Variants in PCDHGB7 observed in about 807,000 individuals in gnomAD.
The protein encoded by PCDHGB7 is protocadherin gamma-B7.
Under a neutral mutation model 61.4 loss-of-function variants are expected in PCDHGB7, and 37 were observed. The ratio of observed to expected loss-of-function variants is 0.60; its 90% CI spans 0.46 to 0.79. PCDHGB7 has a LOEUF of 0.79. PCDHGB7 is among the 30% of genes least tolerant of loss of function. The probability of loss-of-function intolerance (pLI) is 0.00; values close to 1 mark genes in which losing one functional copy is unlikely to be tolerated. For synonymous variants in PCDHGB7, 464 were observed against 503.5 expected, an observed-to-expected ratio of 0.92 and a Z score of 1.05; for missense variants, 1,166 against 1,202.5, an observed-to-expected ratio of 0.97 and a Z score of 0.45.
chr5:141,473,665 T>C (rs1054239218), intron 1 of PCDHGB7, among the ~76,000 whole-genome samples: 1 of 152,142 alleles, frequency 6.6e-6, no homozygotes, highest in Non-Finnish European at 1.5e-5. Context: ...GTGAAGGCCC[T>C]GAGACAGGGA....
chr5:141,468,598 G>A (rs1250884127), intron 1 of PCDHGB7: 1 of 152,228 alleles, frequency 6.6e-6, no homozygotes, highest in African/African-American at 2.4e-5. Context: ...TGGGCGCGGT[G>A]GCTCACGCCT....
Position 141,477,020 on chromosome 5 carries a change from G to C in PCDHGB7, c.2416-17787G>C, listed in dbSNP as rs1383192345. The C allele has an allele frequency of 6.2e-7, 1 of 1,614,224 alleles. No homozygotes were observed. The highest frequency in any genetic ancestry group is 8.5e-7 in the Non-Finnish European group (1 of 1,180,048). On this transcript the variant is annotated intron_variant, in intron 1 of 3. Coordinates refer to ENST00000398594, the MANE Select transcript of PCDHGB7 (RefSeq NM_018927.4). The surrounding 1 kb of genome is among the most constrained non-coding windows in gnomAD (Gnocchi z 4.9). ...ACTATTCGCCTTAGACCTTGTAACC[G>C]GGATGCTGACAATCAAGGGTCGGCT...
Position 141,431,535 on chromosome 5 carries a change from C to T in PCDHGB7, c.2415+11261C>T. On this transcript the variant is annotated intron_variant, in intron 1 of 3. Coordinates refer to ENST00000398594, the MANE Select transcript of PCDHGB7 (RefSeq NM_018927.4). This position sits in a 1 kb window ranked among gnomAD's most constrained non-coding sequence, Gnocchi z 4.8. ...GTTCCGGAGAATCTGGCCTTGGGCA[C>T]GCAGCTGCTTGTAGTCAACGCTACC... is the stretch of plus-strand genomic sequence containing the variant. 3 of 1,614,076 alleles carry T rather than the reference C, an allele frequency of 1.9e-6. No individual in the cohort carries two copies. Among genetic ancestry groups the T allele is most frequent in the Non-Finnish European group, 2.5e-6 (3 of 1,180,038 alleles).
intron 1 of PCDHGB7, among the ~76,000 whole-genome samples, chr5:141,449,868 T>C (rs902371897): frequency 1.3e-5 from 2 of 151,910 alleles, no homozygotes; most frequent in African/African-American, 4.8e-5. Flanking sequence ...AATCAGAAAA[T>C]TTAACATCAA....
intron 1 of PCDHGB7, among the ~76,000 whole-genome samples, chr5:141,470,055 G>A (rs1432696943): frequency 1.3e-5 from 2 of 152,192 alleles, no homozygotes; most frequent in Non-Finnish European, 1.5e-5. Context: ...TTTGAACCCC[G>A]GAGGCAGAGA....
intron 1 of PCDHGB7, chr5:141,422,699 C>T: frequency 6.2e-7 from 1 of 1,603,420 alleles, no homozygotes; most frequent in Middle Eastern, 1.7e-4. Flanking sequence ...GTCACTTACT[C>T]TCTGACGGAT....
chr5:141,485,226 T>C lies in PCDHGB7; in HGVS notation c.2416-9581T>C. ...GAAATCTGGCGGTGGGCTACCCTTT[T>C]GTTCCTCTTTTACCACCTGGGTTAC... On this transcript the variant is annotated intron_variant, in intron 1 of 3. Transcript: ENST00000398594. The surrounding 1 kb of genome is among the most constrained non-coding windows in gnomAD (Gnocchi z 5.7). 1.9e-6 allele frequency: 3 copies of C among 1,614,170 alleles called. No homozygotes were observed. Among genetic ancestry groups the C allele is most frequent in the Non-Finnish European group, 2.5e-6 (3 of 1,180,026 alleles).
At chr5:141,433,349 T>C in intron 1 of PCDHGB7, 1 of 616,610 alleles carries the variant, frequency 1.6e-6, no homozygotes, top group East Asian at 2.8e-5. Flanking sequence ...GCAAGCCACC[T>C]ACTGTCTGCC....
In PCDHGB7 at chr5:141,419,333, A is replaced by G; in HGVS notation, c.1474A>G (p.Ile492Val). The change falls in exon 1 of 4, where the codon ATT (isoleucine) becomes GTT (valine). Residue 492 changes from isoleucine to valine, a missense_variant. Coordinates refer to ENST00000398594, the MANE Select transcript of PCDHGB7 (RefSeq NM_018927.4). The stretch of plus-strand genomic sequence containing the variant: ...CAACGGCCGTGTCTCCTACTCTCTC[A>G]TTGCCAGCGACCTGGAGTCACGAAC... The part of the protein sequence containing the change: ...GLNGRVSYSL[I>V]ASDLESRTLS... 2 of 1,613,804 alleles carry G rather than the reference A, an allele frequency of 1.2e-6. No homozygotes were observed. The highest frequency in any genetic ancestry group is 1.1e-5 in the South Asian group (1 of 91,078).
chr5:141,478,718 C>T, intron 1 of PCDHGB7: 1 of 1,544,994 alleles, frequency 6.5e-7, no homozygotes, highest in East Asian at 2.4e-5. Context: ...AGATGGTGGC[C>T]TGCCAGAGTG....
chr5:141,497,210 G>T (rs988856908), intron 2 of PCDHGB7, among the ~76,000 whole-genome samples: 1 of 28,140 alleles, frequency 3.6e-5, no homozygotes, highest in African/African-American at 1.1e-3. Context: ...TGAGTGTAAT[G>T]GGGGGGGGAA....
chr5:141,496,737 C>T (rs900394639), intron 2 of PCDHGB7, among the ~76,000 whole-genome samples: 9 of 152,168 alleles, frequency 5.9e-5, no homozygotes, highest in African/African-American at 2.2e-4. Context: ...TTCATTCGTT[C>T]ATTTATTCAA....
intron 1 of PCDHGB7, chr5:141,421,835 G>A (rs755889809): frequency 5.6e-6 from 9 of 1,613,746 alleles, no homozygotes; most frequent in Non-Finnish European, 6.8e-6. Context: ...AGCCTGGACC[G>A]AGAGAAAGAG....
intron 1 of PCDHGB7, among the ~76,000 whole-genome samples, chr5:141,445,834 T>G (rs1310067225): frequency 6.6e-6 from 1 of 152,218 alleles, no homozygotes; most frequent in Middle Eastern, 3.2e-3. Context: ...GGGAGAGCCT[T>G]GTAAATCACA....
In PCDHGB7 at chr5:141,485,872, G is replaced by A; in HGVS notation, c.2416-8935G>A. ...CCGCAGAGCTCCGGGTATCCGTGCT[G>A]GACGTAAACGACAACGCCCCAGCCT... On this transcript the variant is annotated intron_variant, in intron 1 of 3. Transcript: ENST00000398594. The surrounding 1 kb of genome is among the most constrained non-coding windows in gnomAD (Gnocchi z 5.7). 1 of 1,614,170 alleles carries A rather than the reference G, an allele frequency of 6.2e-7. No homozygotes were observed. The highest frequency in any genetic ancestry group is 2.2e-5 in the East Asian group (1 of 44,876).
chr5:141,478,204 T>C (rs775367944), intron 1 of PCDHGB7: 7 of 1,613,950 alleles, frequency 4.3e-6, no homozygotes, highest in Middle Eastern at 1.6e-4. Context: ...ATCTACTTCT[T>C]TCTCTAATCC....
At position 141,493,061 on chromosome 5, in the gene PCDHGB7, C is replaced by G. The variant is rs1386090478; in HGVS notation, c.2416-1746C>G. On this transcript the variant is annotated intron_variant, in intron 1 of 3. Transcript: ENST00000398594. The surrounding 1 kb of genome is among the most constrained non-coding windows in gnomAD (Gnocchi z 4.3). The stretch of plus-strand genomic sequence containing the variant: ...GAGGAAACTACAATAGTAAAAAACA[C>G]AAGTTTCTCCAACTCCAGGAGCTTT... Among the ~76,000 whole-genome samples the G allele has an allele frequency of 6.6e-6, 1 of 152,228 alleles. No individual in the cohort carries two copies. Among genetic ancestry groups the G allele is most frequent in the African/African-American group, 2.4e-5 (1 of 41,446 alleles).
Position 141,486,676 on chromosome 5 carries a change from T to A in PCDHGB7, c.2416-8131T>A, listed in dbSNP as rs375080564. On this transcript the variant is annotated intron_variant, in intron 1 of 3. Coordinates refer to ENST00000398594, the MANE Select transcript of PCDHGB7 (RefSeq NM_018927.4). This position sits in a 1 kb window ranked among gnomAD's most constrained non-coding sequence, Gnocchi z 5.0. ...CACTCCTGGAGCCCAGGAATCGAGA[T>A]GTATCAGCTTCCTCTTTCATCTCTC... 3 of 1,614,002 alleles carry A rather than the reference T, an allele frequency of 1.9e-6. No homozygotes were observed. The highest frequency in any genetic ancestry group is 2.5e-6 in the Non-Finnish European group (3 of 1,180,036).
chr5:141,458,340 G>C (rs4551132), intron 1 of PCDHGB7, among the ~76,000 whole-genome samples: 42,372 of 151,882 alleles, frequency 0.28, 6,646 homozygotes, highest in African/African-American at 0.43. Context: ...TTTAAGGAGT[G>C]GAGAGTTTAA....
Sources: gnomAD v4.1 joint callset for allele counts (sites outside exome capture counted in the v4.1 genomes callset) on GRCh38, gnomAD v4.1.1 for gene constraint, Gnocchi (gnomAD v3.1) non-coding constraint, MANE v1.5 for transcripts, NCBI Gene and HGNC (gene_info 2026-07-23, HGNC 2026-07-21) for gene names.